ST6GALNAC5: variants seen among roughly 807,000 people sequenced by gnomAD.
The protein encoded by ST6GALNAC5 is ST6 N-acetylgalactosaminide alpha-2,6-sialyltransferase 5.
Under a neutral mutation model 33.6 loss-of-function variants are expected in ST6GALNAC5, and 27 were observed. That is an observed-to-expected ratio of 0.80 (90% CI 0.59 to 1.11). The LOEUF (loss-of-function observed/expected upper bound fraction) is 1.11, where lower values mean the gene tolerates loss of function less well. Ranked by LOEUF, ST6GALNAC5 falls within the 50% of genes least tolerant of loss-of-function variation. The probability of loss-of-function intolerance (pLI) is 0.00; values close to 1 mark genes in which losing one functional copy is unlikely to be tolerated. For missense variants in ST6GALNAC5, 428 were observed against 454.0 expected (o/e 0.94, Z 0.52); for synonymous variants, 194 against 171.2 (o/e 1.13, Z -1.04).
intron 3 of ST6GALNAC5, among the ~76,000 whole-genome samples, chr1:77,047,238 A>G (rs1325380782): frequency 2.0e-5 from 3 of 152,192 alleles, no homozygotes; most frequent in Non-Finnish European, 4.4e-5. Context: ...AAAGAAGCCA[A>G]TACTCTATTG....
At chr1:76,878,666 C>T (rs565815422) in intron 2 of ST6GALNAC5, among the ~76,000 whole-genome samples, 5 of 152,234 alleles carry the variant, frequency 3.3e-5, no homozygotes, top group Admixed American at 6.5e-5. Context: ...TCATTCAAGG[C>T]GTTCTGGGTC....
chr1:76,954,842 T>C lies in ST6GALNAC5; in HGVS notation c.261+86100T>C, dbSNP rs78878137. Reference sequence around the variant, plus strand: ...CTGGGTCTGAACCTTGGCTCTGACATTTACCAGCTTTGAGGAAATGCCTTA... The same window carrying C: ...CTGGGTCTGAACCTTGGCTCTGACACTTACCAGCTTTGAGGAAATGCCTTA... On this transcript the variant is annotated intron_variant, in intron 2 of 4. Coordinates refer to ENST00000477717, the MANE Select transcript of ST6GALNAC5 (RefSeq NM_030965.3). 8.8e-4 allele frequency among the ~76,000 whole-genome samples: 134 copies of C among 152,266 alleles called. 1 individual carries two copies. In the East Asian group the frequency reaches 0.019, roughly 21 times the overall value.
At chr1:76,876,655 C>T (rs932666609) in intron 2 of ST6GALNAC5, among the ~76,000 whole-genome samples, 13 of 152,274 alleles carry the variant, frequency 8.5e-5, no homozygotes, top group South Asian at 4.1e-4. Flanking sequence ...CACATCGGAC[C>T]GTTTCTCCTT....
intron 2 of ST6GALNAC5, among the ~76,000 whole-genome samples, chr1:76,912,734 C>T (rs1219346009): frequency 6.6e-6 from 1 of 152,002 alleles, no homozygotes; most frequent in East Asian, 1.9e-4. Context: ...TTATCAGAGA[C>T]TAGGATTGCA....
intron 2 of ST6GALNAC5, among the ~76,000 whole-genome samples, chr1:76,998,339 T>G (rs1362401048): frequency 6.6e-6 from 1 of 152,078 alleles, no homozygotes; most frequent in Admixed American, 6.6e-5. Context: ...GAGGTTACAG[T>G]GAGCTATGAT....
At chr1:76,978,325 T>C (rs558924621) in intron 2 of ST6GALNAC5, among the ~76,000 whole-genome samples, 1 of 152,322 alleles carries the variant, frequency 6.6e-6, no homozygotes, top group African/African-American at 2.4e-5. Context: ...TTTAGTTTGA[T>C]GTAATCCCAT....
chr1:77,028,380 C>T, intron 2 of ST6GALNAC5, among the ~76,000 whole-genome samples: 1 of 152,156 alleles, frequency 6.6e-6, no homozygotes, highest in East Asian at 1.9e-4. Flanking sequence ...TTCAAAACTT[C>T]AGGACATCAA....
intron 2 of ST6GALNAC5, among the ~76,000 whole-genome samples, chr1:77,014,702 T>C (rs1018404786): frequency 5.9e-5 from 9 of 152,312 alleles, no homozygotes; most frequent in Middle Eastern, 3.4e-3. Flanking sequence ...ACCTGCTTTG[T>C]TCTCCCAAGC....
intron 4 of ST6GALNAC5, 88 bp downstream of exon 4, chr1:77,050,453 TCTAA>T (rs961036115): frequency 5.0e-5 from 63 of 1,262,316 alleles, no homozygotes; most frequent in African/African-American, 3.4e-4. Flanking sequence ...ATGAAACATG[TCTAA>T]CTGTCTTCTT....
chr1:76,969,763 G>T lies in ST6GALNAC5; in HGVS notation c.262-74441G>T, dbSNP rs181180477. On this transcript the variant is annotated intron_variant, in intron 2 of 4. Coordinates refer to ENST00000477717, the MANE Select transcript of ST6GALNAC5 (RefSeq NM_030965.3). ...ACCCCCGTGTAGCCTAACTGGGAGA[G>T]ACCTCCCAGTAGTGGCCGACTGACA... 1.6e-4 allele frequency among the ~76,000 whole-genome samples: 24 copies of T among 151,570 alleles called. No individual in the cohort carries two copies. The East Asian group carries it at 4.5e-3, about 28-fold the overall frequency.
chr1:76,913,521 C>T (rs868452045), intron 2 of ST6GALNAC5, among the ~76,000 whole-genome samples: 1 of 152,154 alleles, frequency 6.6e-6, no homozygotes, highest in Non-Finnish European at 1.5e-5. Context: ...TGTTTTCCAA[C>T]TTGGTTCCAT....
intron 3 of ST6GALNAC5, among the ~76,000 whole-genome samples, chr1:77,046,938 G>A (rs1442812157): frequency 6.6e-6 from 1 of 152,144 alleles, no homozygotes; most frequent in Non-Finnish European, 1.5e-5. Flanking sequence ...TGGCCACTCA[G>A]GATCTTTAGG....
intron 2 of ST6GALNAC5, among the ~76,000 whole-genome samples, chr1:77,023,753 T>C (rs1651136917): frequency 6.6e-6 from 1 of 151,916 alleles, no homozygotes; most frequent in Admixed American, 6.6e-5. Context: ...CAGGGAAGGG[T>C]GAGGCTGAGC....
chr1:77,054,238 C>G (rs937783906), intron 4 of ST6GALNAC5, among the ~76,000 whole-genome samples: 5 of 152,156 alleles, frequency 3.3e-5, no homozygotes, highest in Admixed American at 6.5e-5. Context: ...TGCCTGTCAG[C>G]AGCATCTGAC....
intron 2 of ST6GALNAC5, among the ~76,000 whole-genome samples, chr1:76,887,304 A>G (rs1191615663): frequency 2.0e-5 from 3 of 152,220 alleles, no homozygotes; most frequent in Non-Finnish European, 4.4e-5. Flanking sequence ...GTAAGTAATG[A>G]TATAATTTTG....
At chr1:77,026,611 G>A (rs538742614) in intron 2 of ST6GALNAC5, among the ~76,000 whole-genome samples, 22 of 152,342 alleles carry the variant, frequency 1.4e-4, no homozygotes, top group African/African-American at 5.3e-4. Flanking sequence ...AAAGTCAGCA[G>A]AGAAAGGACA....
intron 4 of ST6GALNAC5, among the ~76,000 whole-genome samples, chr1:77,052,627 C>A (rs1346490898): frequency 2.0e-5 from 3 of 151,546 alleles, no homozygotes; most frequent in Non-Finnish European, 4.4e-5. Context: ...CTGAAAGATA[C>A]CAAGAATTCT....
chr1:76,885,075 C>T (rs543509453), intron 2 of ST6GALNAC5, among the ~76,000 whole-genome samples: 10 of 152,228 alleles, frequency 6.6e-5, no homozygotes, highest in Admixed American at 2.0e-4. Context: ...GATGGGATGG[C>T]GCCAGACCTT....
At chr1:76,910,744 T>C (rs4457624) in intron 2 of ST6GALNAC5, among the ~76,000 whole-genome samples, 1 of 152,032 alleles carries the variant, frequency 6.6e-6, no homozygotes, top group African/African-American at 2.4e-5. Context: ...TCCATACAGT[T>C]GGAGGTATTT....
Sources: gnomAD v4.1 joint callset for allele counts (sites outside exome capture counted in the v4.1 genomes callset) on GRCh38, gnomAD v4.1.1 for gene constraint, MANE v1.5 for transcripts, NCBI Gene and HGNC (gene_info 2026-07-23, HGNC 2026-07-21) for gene names.